The following CA10 variants were observed in gnomAD, a reference collection of about 807,000 sequenced individuals.
CA10 encodes the protein carbonic anhydrase 10 (inactive).
Under a neutral mutation model 44.2 loss-of-function variants are expected in CA10, and 14 were observed. The ratio of observed to expected loss-of-function variants is 0.32; its 90% confidence interval spans 0.21 to 0.50. CA10 has a LOEUF of 0.50. CA10 is among the 20% of genes least tolerant of loss of function. The pLI is 0.99. For synonymous variants in CA10, 159 were observed against 141.6 expected (o/e 1.12, Z -0.87); for missense variants, 350 against 409.7 (o/e 0.85, Z 1.26).
At chr17:51,683,026 T>A (rs1914895352) in intron 4 of CA10, among the ~76,000 whole-genome samples, 1 of 152,240 alleles carries the variant, frequency 6.6e-6, no homozygotes, top group African/African-American at 2.4e-5. Context: ...CATGAAAATC[T>A]GTATTTTTAA....
At chr17:52,042,380 T>C (rs1185420057) in intron 2 of CA10, among the ~76,000 whole-genome samples, 5 of 152,108 alleles carry the variant, frequency 3.3e-5, no homozygotes, top group African/African-American at 1.2e-4. Context: ...TGCTGGTCAA[T>C]TGTATGCCTT....
chr17:52,109,725 C>T (rs896776736), intron 1 of CA10, among the ~76,000 whole-genome samples: 1 of 152,210 alleles, frequency 6.6e-6, no homozygotes, highest in Non-Finnish European at 1.5e-5. Context: ...ATAGGTCTCA[C>T]ATTCCATTAT....
At chr17:51,955,902 G>A (rs1263082878) in intron 2 of CA10, among the ~76,000 whole-genome samples, 1 of 152,034 alleles carries the variant, frequency 6.6e-6, no homozygotes, top group Non-Finnish European at 1.5e-5. Context: ...CTAGATGACG[G>A]ATTGACGGAT....
At chr17:51,760,308 G>A (rs1905183874) in intron 3 of CA10, among the ~76,000 whole-genome samples, 1 of 152,208 alleles carries the variant, frequency 6.6e-6, no homozygotes, top group Non-Finnish European at 1.5e-5. Context: ...TGCAAGTTAA[G>A]TATGTAACAT....
chr17:51,692,476 C>T (rs2319289), intron 4 of CA10, among the ~76,000 whole-genome samples: 21,485 of 151,356 alleles, frequency 0.14, 1,798 homozygotes, highest in East Asian at 0.28. Flanking sequence ...CTAAGATTAT[C>T]TCATTTGCAG....
intron 3 of CA10, among the ~76,000 whole-genome samples, chr17:51,754,585 C>T (rs1395369475): frequency 1.3e-5 from 2 of 151,606 alleles, no homozygotes; most frequent in Admixed American, 1.3e-4. Context: ...CCTTTTCATT[C>T]AGGGAGGTCA....
At chr17:51,911,593 G>A (rs956505794) in intron 3 of CA10, among the ~76,000 whole-genome samples, 6 of 152,104 alleles carry the variant, frequency 3.9e-5, no homozygotes, top group Admixed American at 2.6e-4. Context: ...AAGGACAATC[G>A]AGAAGTGCAA....
At chr17:52,025,849 G>A (rs1021068848) in intron 2 of CA10, among the ~76,000 whole-genome samples, 1 of 152,062 alleles carries the variant, frequency 6.6e-6, no homozygotes, top group Non-Finnish European at 1.5e-5. Context: ...TGGTGACAGG[G>A]AAGAGATGGA....
At chr17:51,805,850 T>A (rs775903613) in intron 3 of CA10, among the ~76,000 whole-genome samples, 8 of 152,202 alleles carry the variant, frequency 5.3e-5, no homozygotes, top group Non-Finnish European at 2.9e-5. Flanking sequence ...AGGGAGTTTT[T>A]GGTGTAGTCT....
At chr17:52,124,896 T>C (rs1165841485) in intron 1 of CA10, among the ~76,000 whole-genome samples, 1 of 152,212 alleles carries the variant, frequency 6.6e-6, no homozygotes, top group Non-Finnish European at 1.5e-5. Context: ...GGTCCATATC[T>C]TTCTACATGG....
At chr17:52,101,062 A>G (rs1353009227) in intron 1 of CA10, among the ~76,000 whole-genome samples, 1 of 152,180 alleles carries the variant, frequency 6.6e-6, no homozygotes, top group African/African-American at 2.4e-5. Flanking sequence ...TATTCCCCCA[A>G]GAATTCTAGT....
intron 2 of CA10, among the ~76,000 whole-genome samples, chr17:52,002,293 G>T (rs1166900823): frequency 6.6e-6 from 1 of 151,932 alleles, no homozygotes; most frequent in Non-Finnish European, 1.5e-5. Flanking sequence ...CAGAGGTAAG[G>T]TGTGTGAGAA....
chr17:51,764,243 C>A (rs938574719), intron 3 of CA10, among the ~76,000 whole-genome samples: 4 of 152,204 alleles, frequency 2.6e-5, no homozygotes, highest in Admixed American at 6.5e-5. Context: ...CTCTGAGCTG[C>A]ATCTCCTTTT....
At chr17:51,822,684 G>A (rs983606785) in intron 3 of CA10, among the ~76,000 whole-genome samples, 6 of 152,190 alleles carry the variant, frequency 3.9e-5, no homozygotes, top group Non-Finnish European at 8.8e-5. Context: ...GGAAGAATGT[G>A]TAGCATGGTG....
rs1233406478 is a variant in CA10, at chr17:51,666,303, C to T, written c.466-12567G>A. ...AGGGAAGGGGAATGAGGTAGGCTGA[C>T]CCAGGAGAAAAAGGTAAGGACAGAC... is the stretch of plus-strand genomic sequence containing the variant. On this transcript the variant is annotated intron_variant, in intron 4 of 8. Coordinates refer to ENST00000451037, the MANE Select transcript of CA10 (RefSeq NM_020178.5). Among the ~76,000 whole-genome samples, 4 of 151,964 alleles carry T rather than the reference C, an allele frequency of 2.6e-5. No individual in the cohort carries two copies. The East Asian group carries it at 7.7e-4, about 29-fold the overall frequency.
At chr17:52,106,150 A>G (rs896631436) in intron 1 of CA10, among the ~76,000 whole-genome samples, 3 of 152,338 alleles carry the variant, frequency 2.0e-5, no homozygotes, top group Non-Finnish European at 4.4e-5. Context: ...AAAGTTTTCT[A>G]AATGCACAAA....
intron 4 of CA10, among the ~76,000 whole-genome samples, chr17:51,739,111 C>T (rs1027056404): frequency 2.0e-5 from 3 of 152,124 alleles, no homozygotes; most frequent in Non-Finnish European, 2.9e-5. Flanking sequence ...TGTGACCTTT[C>T]GTGGAACCTC....
intron 4 of CA10, among the ~76,000 whole-genome samples, chr17:51,670,076 C>T (rs565663330): frequency 1.9e-4 from 29 of 152,326 alleles, no homozygotes; most frequent in Middle Eastern, 3.4e-3. Flanking sequence ...GTTCCCTTTG[C>T]TCTTCTTTCA....
intron 4 of CA10, among the ~76,000 whole-genome samples, chr17:51,709,611 G>C (rs577169029): frequency 2.0e-5 from 3 of 152,350 alleles, no homozygotes; most frequent in African/African-American, 7.2e-5. Context: ...TGTGCAGCCA[G>C]GGTTGCAAAG....
Sources: allele counts gnomAD v4.1 joint callset (sites outside exome capture counted in the v4.1 genomes callset), GRCh38; gene constraint gnomAD v4.1.1; transcripts MANE v1.5; gene names NCBI Gene and HGNC (gene_info 2026-07-23, HGNC 2026-07-21).